UIMC1: variants seen among roughly 807,000 people sequenced by gnomAD.
UIMC1 encodes BRCA1-A complex subunit RAP80.
A neutral mutation model predicts 84.9 loss-of-function variants in UIMC1; 42 were observed. That is an observed-to-expected ratio of 0.49 (90% confidence interval 0.39 to 0.64). The LOEUF (loss-of-function observed/expected upper bound fraction) is 0.64. Ranked by LOEUF, UIMC1 falls within the 30% of genes least tolerant of loss-of-function variation. The pLI, the probability that UIMC1 is intolerant of heterozygous loss-of-function variation, is 0.00. For synonymous variants in UIMC1, 281 were observed against 293.0 expected (o/e 0.96, Z 0.42); for missense variants, 825 against 847.6 (o/e 0.97, Z 0.33).
At chr5:177,016,640 G>A (rs947019979) in intron 1 of UIMC1, among the ~76,000 whole-genome samples, 10 of 151,992 alleles carry the variant, frequency 6.6e-5, no homozygotes, top group Non-Finnish European at 1.2e-4. Flanking sequence ...GCAGTCAGCC[G>A]AGGTTGCAGT....
intron 10 of UIMC1, among the ~76,000 whole-genome samples, chr5:176,937,790 G>A (rs1466837675): frequency 6.6e-6 from 1 of 152,172 alleles, no homozygotes; most frequent in African/African-American, 2.4e-5. Flanking sequence ...GGGGAAGACA[G>A]GAAGGAGTGA....
intron 10 of UIMC1, among the ~76,000 whole-genome samples, chr5:176,917,816 GGGTAT>G: frequency 6.6e-6 from 1 of 152,228 alleles, no homozygotes; most frequent in African/African-American, 2.4e-5. Context: ...AAAATTAGCT[GGGTAT>G]GGTGGCGCAT....
rs766769665 is a variant in UIMC1, at chr5:176,970,724, G to C, written c.357+18C>G. 109 of 1,613,694 alleles carry C rather than the reference G, an allele frequency of 6.8e-5. No homozygotes were observed. In the South Asian group the frequency reaches 1.2e-3, roughly 17 times the overall value. ...AGCTGATCAATCTCCACAAACTTTTGCAACATGGCATATTTACATTCAGGC... is the reference window on the plus strand; with the variant it reads ...AGCTGATCAATCTCCACAAACTTTTCCAACATGGCATATTTACATTCAGGC... On this transcript the variant is annotated intron_variant, in intron 4 of 14. Coordinates refer to ENST00000511320, the MANE Select transcript of UIMC1 (RefSeq NM_001199298.2).
In UIMC1 at chr5:176,982,572, C is replaced by A. The variant is rs868328917; in HGVS notation, c.44G>T (p.Arg15Leu). 1.2e-6 allele frequency: 2 copies of A among 1,613,968 alleles called. No homozygotes were observed. Among genetic ancestry groups the A allele is most frequent in the African/African-American group, 2.7e-5 (2 of 74,914 alleles). ...TTCCACATCCTTCTTCTCCAGGTTC[C>A]GAGATTCGGAGACTTCTTTAACTTT... ...KKKVKEVSES[R>L]NLEKKDVETT... The change falls in exon 2 of 15, where the codon CGG becomes CTG. Residue 15 changes from arginine (R) to leucine (L), a missense_variant. By Grantham distance (102) the Arg-to-Leu change is moderately radical. Transcript: ENST00000511320.
chr5:176,923,153 T>A (rs897219522), intron 10 of UIMC1, among the ~76,000 whole-genome samples: 1 of 152,222 alleles, frequency 6.6e-6, no homozygotes, highest in African/African-American at 2.4e-5. Context: ...GTAAGATGTT[T>A]GAGTTAGAAG....
At position 176,995,095 on chromosome 5, in the gene UIMC1, C is replaced by T. The variant is rs529958742; in HGVS notation, c.-9+11555G>A. Among the ~76,000 whole-genome samples the T allele has an allele frequency of 5.3e-5, 8 of 152,138 alleles. No individual in the cohort carries two copies. In the East Asian group the frequency reaches 1.5e-3, roughly 29 times the overall value. On this transcript the variant is annotated intron_variant, in intron 1 of 14. Transcript: ENST00000511320. ...AGTGAGTCAGCCAAGTACAGGAAAA[C>T]TTGTTTTTCTCTTTTTAACTTTGCT...
At chr5:177,002,768 A>G (rs972474734) in intron 1 of UIMC1, among the ~76,000 whole-genome samples, 2 of 152,192 alleles carry the variant, frequency 1.3e-5, no homozygotes, top group African/African-American at 4.8e-5. Flanking sequence ...ACTGCACTCC[A>G]GCTCAGGACA....
chr5:177,021,886 G>T (rs1775855121), intron 1 of UIMC1, among the ~76,000 whole-genome samples: 1 of 152,108 alleles, frequency 6.6e-6, no homozygotes, highest in Non-Finnish European at 1.5e-5. Context: ...CCGGACCTCA[G>T]GTGATCCGCC....
chr5:176,994,619 G>A (rs186474937), intron 1 of UIMC1, among the ~76,000 whole-genome samples: 55 of 152,122 alleles, frequency 3.6e-4, no homozygotes, highest in African/African-American at 1.3e-3. Flanking sequence ...TTTTCTTTAG[G>A]TGGCCACCAG....
chr5:176,923,324 A>T (rs1761932855), intron 10 of UIMC1, among the ~76,000 whole-genome samples: 1 of 152,238 alleles, frequency 6.6e-6, no homozygotes, highest in Non-Finnish European at 1.5e-5. Context: ...TGTATCAGGC[A>T]AACAGTAGGA....
chr5:176,980,556 A>T (rs1770876857), intron 2 of UIMC1, among the ~76,000 whole-genome samples: 1 of 152,232 alleles, frequency 6.6e-6, no homozygotes, highest in Admixed American at 6.5e-5. Flanking sequence ...TATTTTAAAA[A>T]TGAAAAAGAA....
chr5:177,018,947 C>G (rs353466), intron 1 of UIMC1, among the ~76,000 whole-genome samples: 1 of 152,110 alleles, frequency 6.6e-6, no homozygotes, highest in Non-Finnish European at 1.5e-5. Flanking sequence ...TCTGCGACTT[C>G]GACAAAAATC....
intron 3 of UIMC1, 109 bp from the exon 4 acceptor site, chr5:176,970,975 C>G: frequency 7.3e-7 from 1 of 1,368,688 alleles, no homozygotes; most frequent in Non-Finnish European, 9.7e-7. Flanking sequence ...TACCAGACCA[C>G]TTAGTACAAT....
In UIMC1 at chr5:176,921,070, A is replaced by G. The variant is rs144460368; in HGVS notation, c.1598-9681T>C. On this transcript the variant is annotated intron_variant, in intron 10 of 14. Coordinates refer to ENST00000511320, the MANE Select transcript of UIMC1 (RefSeq NM_001199298.2). ...TTTGTCCTTTGTTCTATGATACAGT[A>G]TATTAACTGATTTTCTAATGTTAAA... Among the ~76,000 whole-genome samples, 781 of 152,294 alleles carry G rather than the reference A, an allele frequency of 5.1e-3. 7 individuals carry two copies. The highest frequency in any genetic ancestry group is 0.015 in the African/African-American group (639 of 41,568).
chr5:177,005,539 A>G (rs1775130384), intron 1 of UIMC1, among the ~76,000 whole-genome samples: 1 of 151,472 alleles, frequency 6.6e-6, no homozygotes, highest in Non-Finnish European at 1.5e-5. Context: ...CAATCCAAAC[A>G]CTTTAGTATC....
intron 9 of UIMC1, 71 bp from the exon 10 acceptor site, chr5:176,943,559 A>T: frequency 6.5e-7 from 1 of 1,532,664 alleles, no homozygotes; most frequent in African/African-American, 1.4e-5. Flanking sequence ...ACTGCAAGAG[A>T]CTCCACCCCA....
chr5:177,002,181 G>C (rs898973559), intron 1 of UIMC1: 28 of 151,756 alleles, frequency 1.8e-4, no homozygotes, highest in African/African-American at 6.3e-4. Flanking sequence ...TGTAGTCCCA[G>C]CTACTCAGAA....
chr5:176,974,093 A>C (rs1389963131), intron 3 of UIMC1, among the ~76,000 whole-genome samples: 1 of 152,174 alleles, frequency 6.6e-6, no homozygotes, highest in Non-Finnish European at 1.5e-5. Context: ...AATAAAATTA[A>C]ATTTATATAG....
At chr5:176,938,908 T>C (rs1181415102) in intron 10 of UIMC1, among the ~76,000 whole-genome samples, 2 of 151,596 alleles carry the variant, frequency 1.3e-5, no homozygotes, top group African/African-American at 2.4e-5. Context: ...AAGAGAGAAA[T>C]CTTAAAACTT....
Sources: gnomAD v4.1 joint callset for allele counts (sites outside exome capture counted in the v4.1 genomes callset) on GRCh38, gnomAD v4.1.1 for gene constraint, MANE v1.5 for transcripts, NCBI Gene and HGNC (gene_info 2026-07-23, HGNC 2026-07-21) for gene names.